Variants in DNAJC13 observed in about 807,000 individuals in gnomAD.
DNAJC13 encodes the protein dnaJ homolog subfamily C member 13.
DNAJC13 carries 75 observed loss-of-function variants against 290.5 expected under a neutral mutation model. The ratio of observed to expected loss-of-function variants is 0.26; its 90% confidence interval spans 0.21 to 0.31. The LOEUF (loss-of-function observed/expected upper bound fraction) is 0.31. Ranked by LOEUF, DNAJC13 falls within the 10% of genes least tolerant of loss-of-function variation. DNAJC13 has a pLI of 1.00. For synonymous variants in DNAJC13, 862 were observed against 892.0 expected, an observed-to-expected ratio of 0.97 and a Z score of 0.60; for missense variants, 2,260 against 2,674.5, an observed-to-expected ratio of 0.85 and a Z score of 3.42.
At chr3:132,510,641 G>A (rs1205147307) in intron 43 of DNAJC13, among the ~76,000 whole-genome samples, 4 of 152,142 alleles carry the variant, frequency 2.6e-5, no homozygotes, top group African/African-American at 7.2e-5. Flanking sequence ...TGTATATCAC[G>A]TATCACAGAG....
chr3:132,526,344 C>A, intron 53 of DNAJC13, 63 bp downstream of exon 53: 1 of 1,590,216 alleles, frequency 6.3e-7, no homozygotes, highest in South Asian at 1.1e-5. Flanking sequence ...AGATTTTTAC[C>A]TATTTGGTAC....
chr3:132,503,463 T>C, intron 41 of DNAJC13, 82 bp downstream of exon 41: 1 of 1,475,186 alleles, frequency 6.8e-7, no homozygotes, highest in Non-Finnish European at 9.2e-7. Flanking sequence ...AATATTGATC[T>C]AGGGAACCTA....
chr3:132,467,090 A>G, intron 19 of DNAJC13, 80 bp from the exon 20 acceptor site: 1 of 1,453,290 alleles, frequency 6.9e-7, no homozygotes, highest in Non-Finnish European at 9.2e-7. Flanking sequence ...TATAAAATAG[A>G]TAGAATGACT....
At chr3:132,480,159 C>G (rs1362879301) in intron 25 of DNAJC13, among the ~76,000 whole-genome samples, 1 of 152,028 alleles carries the variant, frequency 6.6e-6, no homozygotes, top group Non-Finnish European at 1.5e-5. Flanking sequence ...TAGTTTTGCC[C>G]TTTTAATCAA....
At chr3:132,460,166 AT>A in intron 13 of DNAJC13, 83 bp from the exon 14 acceptor site, 1 of 839,960 alleles carries the variant, frequency 1.2e-6, no homozygotes, top group South Asian at 1.9e-5. Flanking sequence ...TGTGTAATGA[AT>A]ACTGTTTATA....
In DNAJC13 at chr3:132,417,591, G is replaced by C. The variant is rs1399276847; in HGVS notation, c.-183G>C. On this transcript the variant is annotated 5_prime_UTR_variant, in exon 1 of 56. Transcript: ENST00000260818. ...AGGGAGGAGGCGGAGGGGGCGGGGAGGCAGCGCCGCGGCGGCACCAGGAAC... is the reference window on the plus strand; with the variant it reads ...AGGGAGGAGGCGGAGGGGGCGGGGACGCAGCGCCGCGGCGGCACCAGGAAC... The C allele has an allele frequency of 6.6e-6, 1 of 152,582 alleles. No homozygotes were observed. Among genetic ancestry groups the C allele is most frequent in the Non-Finnish European group, 1.5e-5 (1 of 68,302 alleles). The allele number at this position is 152,582 out of a possible 1,614,324, so 9.5% of individuals were successfully genotyped here. A position where few individuals can be genotyped will look rare whatever the true frequency, so the allele number is the denominator to read the frequency against.
chr3:132,477,705 A>G (rs1208473308), intron 22 of DNAJC13, 84 bp from the exon 23 acceptor site: 10 of 949,448 alleles, frequency 1.1e-5, no homozygotes, highest in Non-Finnish European at 1.6e-5. Context: ...AGTTTTGAAC[A>G]GAAAGAACTA....
rs558859655 is a variant in DNAJC13 at position 132,520,965 on chromosome 3, A to T, written c.5674-1863A>T. 2.0e-5 allele frequency among the ~76,000 whole-genome samples: 3 copies of T among 152,294 alleles called. No homozygotes were observed. The South Asian group carries it at 6.2e-4, about 32-fold the overall frequency. On this transcript the variant is annotated intron_variant, in intron 48 of 55. Coordinates refer to ENST00000260818, the MANE Select transcript of DNAJC13 (RefSeq NM_015268.4). ...ATTTTAAAATAGGTTAGTTATTAGG[A>T]GTTCTTTTAAATACTAGTCTATAAT...
chr3:132,475,599 A>T (rs983767335), intron 22 of DNAJC13, among the ~76,000 whole-genome samples: 2 of 152,184 alleles, frequency 1.3e-5, no homozygotes, highest in African/African-American at 4.8e-5. Context: ...TATACAATTT[A>T]AACTATTATA....
At chr3:132,502,678 C>T (rs115643827) in intron 40 of DNAJC13, among the ~76,000 whole-genome samples, 1,797 of 152,242 alleles carry the variant, frequency 0.012, 43 homozygotes, top group African/African-American at 0.041. Context: ...AGGGAATTTG[C>T]AATAGCATAT....
chr3:132,434,113 G>A (rs1451046612), intron 1 of DNAJC13, among the ~76,000 whole-genome samples: 2 of 152,202 alleles, frequency 1.3e-5, no homozygotes, highest in South Asian at 2.1e-4. Context: ...TGGAGGCTGA[G>A]GAAGGAGAAT....
chr3:132,452,413 G>A (rs1243485632), intron 6 of DNAJC13, among the ~76,000 whole-genome samples: 2 of 152,134 alleles, frequency 1.3e-5, no homozygotes, highest in East Asian at 3.8e-4. Flanking sequence ...AATAAAACCA[G>A]GTTCTTAAAC....
intron 55 of DNAJC13, among the ~76,000 whole-genome samples, chr3:132,537,810 G>A (rs563469495): frequency 3.9e-5 from 6 of 152,320 alleles, no homozygotes; most frequent in South Asian, 2.1e-4. Flanking sequence ...TTTTGGATGA[G>A]CTGAGTGTAG....
In DNAJC13 at chr3:132,505,360, C is replaced by A; in HGVS notation, c.4943C>A (p.Thr1648Lys). The change falls in exon 42 of 56, where the codon ACA (threonine) becomes AAA (lysine). Residue 1648 changes from threonine (T) to lysine (K), a missense_variant. Around this residue, in one of 3 missense-constraint regions of DNAJC13, gnomAD observed 1,494 missense variants for 1,693.7 expected, o/e 0.88. Transcript: ENST00000260818. ...ESPYLIWNNSTRAELLEFLES... is the reference protein window; with the variant it reads ...ESPYLIWNNSKRAELLEFLES... ...CCATATTTGATATGGAACAATTCTA[C>A]AAGAGCAGAATTACTTGAATTTCTT... is the stretch of plus-strand genomic sequence containing the variant. 6.2e-7 allele frequency: 1 copy of A among 1,611,410 alleles called. No individual in the cohort carries two copies. The highest frequency in any genetic ancestry group is 8.5e-7 in the Non-Finnish European group (1 of 1,178,650).
chr3:132,444,503 CTG>C (rs1275719196), intron 2 of DNAJC13, among the ~76,000 whole-genome samples: 4 of 152,312 alleles, frequency 2.6e-5, no homozygotes, highest in South Asian at 2.1e-4. Context: ...TCTTCTAAGA[CTG>C]TACATGGCAC....
Position 132,495,159 on chromosome 3 carries a change from A to G in DNAJC13, c.4013A>G (p.Glu1338Gly), listed in dbSNP as rs777073738. Residue 1338 changes from glutamate (E) to glycine (G), a missense_variant, in exon 35 of 56, where the codon GAA becomes GGA. Coordinates refer to ENST00000260818, the MANE Select transcript of DNAJC13 (RefSeq NM_015268.4). ...AAGTACCACCCTGATAAGAATCCAG[A>G]AGGGAGGGTATGTACTGCTGTTGGA... Reference protein sequence around the residue: ...AQKYHPDKNPEGRDMFEKVNK... With the variant: ...AQKYHPDKNPGGRDMFEKVNK... 1.9e-5 allele frequency: 30 copies of G among 1,612,986 alleles called. No homozygotes were observed. The Admixed American group carries it at 4.8e-4, about 26-fold the overall frequency.
Position 132,490,937 on chromosome 3 carries a change from A to G in DNAJC13, c.3509A>G (p.His1170Arg). The change falls in exon 32 of 56, where the codon CAC becomes CGC. Residue 1170 changes from histidine (H) to arginine (R), a missense_variant. By Grantham distance (29) the His-to-Arg change is conservative. Around this residue, in one of 3 missense-constraint regions of DNAJC13, gnomAD observed 1,494 missense variants for 1,693.7 expected, o/e 0.88. Transcript: ENST00000260818. ...QDIFQRSILGHILPEAMVCYL... is the reference protein window; with the variant it reads ...QDIFQRSILGRILPEAMVCYL... ...ATTTTTCAGAGAAGTATACTTGGGC[A>G]CATTCTACCTGAAGCAATGGTTTGT... 6.2e-7 allele frequency: 1 copy of G among 1,610,422 alleles called. No individual in the cohort carries two copies. The highest frequency in any genetic ancestry group is 8.5e-7 in the Non-Finnish European group (1 of 1,178,780).
At chr3:132,443,774 T>A (rs2107657990) in intron 2 of DNAJC13, among the ~76,000 whole-genome samples, 1 of 152,216 alleles carries the variant, frequency 6.6e-6, no homozygotes, top group East Asian at 1.9e-4. Flanking sequence ...TTTCTTTTTT[T>A]AATAGCTTTC....
At chr3:132,422,584 T>G (rs566833082) in intron 1 of DNAJC13, among the ~76,000 whole-genome samples, 1 of 152,242 alleles carries the variant, frequency 6.6e-6, no homozygotes, top group Non-Finnish European at 1.5e-5. Context: ...CTTCTTGTTA[T>G]GTGGAGTGAT....
Sources: gnomAD v4.1 joint callset for allele counts (sites outside exome capture counted in the v4.1 genomes callset) on GRCh38, gnomAD v4.1.1 for gene constraint, gnomAD v4.1.1 regional missense constraint, MANE v1.5 for transcripts, NCBI Gene and HGNC (gene_info 2026-07-23, HGNC 2026-07-21) for gene names.